Variants in FBXL2 observed in about 807,000 individuals in gnomAD.
FBXL2 encodes the protein F-box/LRR-repeat protein 2.
A neutral mutation model predicts 69.2 loss-of-function variants in FBXL2; 38 were observed. That is an observed-to-expected ratio of 0.55 (90% CI 0.42 to 0.72). FBXL2 has a LOEUF of 0.72. FBXL2 is among the 30% of genes least tolerant of loss of function. The pLI is 0.00. For missense variants in FBXL2, 354 were observed against 520.3 expected, an observed-to-expected ratio of 0.68 and a Z score of 3.11; for synonymous variants, 192 against 201.3, an observed-to-expected ratio of 0.95 and a Z score of 0.39.
At chr3:33,312,376 C>G (rs906181311) in intron 2 of FBXL2, among the ~76,000 whole-genome samples, 3 of 152,212 alleles carry the variant, frequency 2.0e-5, no homozygotes, top group African/African-American at 7.2e-5. Flanking sequence ...AATTATTTGT[C>G]AGGCAGTTTG....
upstream of FBXL2, chr3:33,277,177 GTTT>G (rs780593890): frequency 0.017 from 4,754 of 284,000 alleles, 42 homozygotes; most frequent in South Asian, 0.043. Context: ...CCTGTATAAC[GTTT>G]TTTTTAAAAA....
intron 2 of FBXL2, among the ~76,000 whole-genome samples, chr3:33,337,072 G>A (rs1333530083): frequency 1.3e-5 from 2 of 151,850 alleles, no homozygotes; most frequent in East Asian, 1.9e-4. Flanking sequence ...GGACGTGGCG[G>A]CGTGTGCCTG....
At chr3:33,398,803 T>G (rs1189086102) in intron 12 of FBXL2, among the ~76,000 whole-genome samples, 1 of 152,212 alleles carries the variant, frequency 6.6e-6, no homozygotes, top group Non-Finnish European at 1.5e-5. Context: ...GTCGGCGCTT[T>G]TTCTATGTGC....
At position 33,385,998 on chromosome 3, in the gene FBXL2, T is replaced by A; in HGVS notation, c.*390T>A. 1 of 190,368 alleles carries A rather than the reference T, an allele frequency of 5.3e-6. No individual in the cohort carries two copies. Among genetic ancestry groups the A allele is most frequent in the Non-Finnish European group, 1.1e-5 (1 of 90,304 alleles). 11.8% of individuals were successfully genotyped at this position (190,368 alleles called of 1,614,324 possible). On this transcript the variant is annotated 3_prime_UTR_variant, in exon 15 of 15. Coordinates refer to ENST00000484457, the MANE Select transcript of FBXL2 (RefSeq NM_012157.5). The stretch of plus-strand genomic sequence containing the variant: ...AAAAATAAGCTGTTGATTTTCTACC[T>A]GATACTTAAGCCAGTGGCCTACTTT...
chr3:33,357,765 G>A (rs1358193797), intron 2 of FBXL2, among the ~76,000 whole-genome samples: 1 of 151,990 alleles, frequency 6.6e-6, no homozygotes, highest in African/African-American at 2.4e-5. Flanking sequence ...TCCTGACCTC[G>A]TGATCCGCCC....
At chr3:33,312,040 A>G (rs2037251872) in intron 2 of FBXL2, among the ~76,000 whole-genome samples, 1 of 152,076 alleles carries the variant, frequency 6.6e-6, no homozygotes, top group African/African-American at 2.4e-5. Context: ...ATATAGATAG[A>G]CAACTATTTT....
At position 33,387,269 on chromosome 3, in the gene FBXL2, G is replaced by A. The variant is rs1307179680; in HGVS notation, c.*1661G>A. 2 of 152,142 alleles carry A rather than the reference G, an allele frequency of 1.3e-5. No homozygotes were observed. The highest frequency in any genetic ancestry group is 2.9e-5 in the Non-Finnish European group (2 of 68,016). 9.4% of individuals were successfully genotyped at this position (152,142 alleles called of 1,614,324 possible). A position where few individuals can be genotyped will look rare whatever the true frequency, so the allele number is the denominator to read the frequency against. ...CAATAAATGAGCATATAACAGACTTGCTTCAGTGATTATGAATTAGTTTAG... is the reference window on the plus strand; with the variant it reads ...CAATAAATGAGCATATAACAGACTTACTTCAGTGATTATGAATTAGTTTAG... On this transcript the variant is annotated 3_prime_UTR_variant, in exon 15 of 15. Coordinates refer to ENST00000484457, the MANE Select transcript of FBXL2 (RefSeq NM_012157.5).
At chr3:33,277,966 T>C (rs1481101339) in intron 1 of FBXL2, among the ~76,000 whole-genome samples, 3 of 152,222 alleles carry the variant, frequency 2.0e-5, no homozygotes, top group South Asian at 4.1e-4. Flanking sequence ...ATAAGACATA[T>C]ATCTTCCTTT....
intron 2 of FBXL2, among the ~76,000 whole-genome samples, chr3:33,321,027 G>T (rs2038161727): frequency 6.6e-6 from 1 of 151,548 alleles, no homozygotes; most frequent in African/African-American, 2.4e-5. Flanking sequence ...CTAAAAAATG[G>T]GGCTGGGTGT....
Position 33,386,806 on chromosome 3 carries a change from T to TATCA in FBXL2, c.*1198_*1199insATCA, listed in dbSNP as rs143466119. The TATCA allele has an allele frequency of 0.36, 55,218 of 151,762 alleles. 10,327 individuals carry two copies. Among genetic ancestry groups the TATCA allele is most frequent in the East Asian group, 0.48 (2,460 of 5,148 alleles). 9.4% of individuals were successfully genotyped at this position (151,762 alleles called of 1,614,324 possible). A position where few individuals can be genotyped will look rare whatever the true frequency, so the allele number is the denominator to read the frequency against. ...ATATTTATGATCTTTATTAAGAACC[T>TATCA]GTCAATCAGTCATCACCACCTTCAT... On this transcript the variant is annotated 3_prime_UTR_variant, in exon 15 of 15. Coordinates refer to ENST00000484457, the MANE Select transcript of FBXL2 (RefSeq NM_012157.5).
intron 1 of FBXL2, 49 bp downstream of exon 1, chr3:33,277,564 G>A (rs892837922): frequency 1.6e-6 from 2 of 1,257,790 alleles, no homozygotes; most frequent in African/African-American, 1.6e-5. Flanking sequence ...TACCCCTACC[G>A]GGCTGGGTCC....
intron 5 of FBXL2, among the ~76,000 whole-genome samples, chr3:33,371,481 T>G (rs922695635): frequency 6.6e-6 from 1 of 152,092 alleles, no homozygotes; most frequent in Non-Finnish European, 1.5e-5. Flanking sequence ...GGTTTTCATA[T>G]CTAAAAGTTT....
intron 2 of FBXL2, chr3:33,317,456 T>G (rs1283343573): frequency 2.2e-6 from 1 of 456,460 alleles, no homozygotes; most frequent in Admixed American, 2.4e-5. Context: ...CCTCAACTAC[T>G]GTCTCTCACC....
intron 2 of FBXL2, among the ~76,000 whole-genome samples, chr3:33,298,482 G>A (rs766473201): frequency 6.6e-6 from 1 of 152,050 alleles, no homozygotes; most frequent in Non-Finnish European, 1.5e-5. Flanking sequence ...GACCAGCCTG[G>A]CCAATGTGGT....
At chr3:33,311,931 T>C (rs1036329778) in intron 2 of FBXL2, among the ~76,000 whole-genome samples, 5 of 152,130 alleles carry the variant, frequency 3.3e-5, no homozygotes, top group African/African-American at 1.2e-4. Flanking sequence ...CCTGTTTGGT[T>C]CTTTTTATGA....
At chr3:33,380,832 A>G (rs1421763110) in intron 13 of FBXL2, among the ~76,000 whole-genome samples, 6 of 152,188 alleles carry the variant, frequency 3.9e-5, no homozygotes, top group Non-Finnish European at 8.8e-5. Context: ...CGCTTCCAGA[A>G]TGCATCACTC....
chr3:33,289,652 C>T (rs940880351), intron 1 of FBXL2: 2 of 520,908 alleles, frequency 3.8e-6, no homozygotes, highest in African/African-American at 4.2e-5. Flanking sequence ...GCTGGAGTGA[C>T]AGTTTGGAAT....
chr3:33,372,761 A>C, intron 5 of FBXL2: 1 of 434,734 alleles, frequency 2.3e-6, no homozygotes, highest in Non-Finnish European at 4.2e-6. Context: ...GGGAGCAGGG[A>C]GCTAGGCCTC....
intron 4 of FBXL2, among the ~76,000 whole-genome samples, chr3:33,360,366 T>C (rs1007703377): frequency 8.5e-5 from 13 of 152,164 alleles, no homozygotes; most frequent in African/African-American, 3.1e-4. Context: ...CTTCTCTAGG[T>C]TACTTACTGC....
Sources: allele counts gnomAD v4.1 joint callset (sites outside exome capture counted in the v4.1 genomes callset), GRCh38; gene constraint gnomAD v4.1.1; transcripts MANE v1.5; gene names NCBI Gene and HGNC (gene_info 2026-07-23, HGNC 2026-07-21).